COL25A1: variants seen among roughly 807,000 people sequenced by gnomAD.
COL25A1 encodes the protein collagen type XXV alpha 1 chain, also known as collagen alpha-1(XXV) chain.
Under a neutral mutation model 128.4 loss-of-function variants are expected in COL25A1, and 103 were observed. The ratio of observed to expected loss-of-function variants is 0.80; its 90% CI spans 0.68 to 0.94. The LOEUF (loss-of-function observed/expected upper bound fraction) is 0.94, where lower values mean the gene tolerates loss of function less well. Ranked by LOEUF, COL25A1 falls within the 40% of genes least tolerant of loss-of-function variation. The pLI is 0.00. For missense variants in COL25A1, 745 were observed against 840.0 expected (o/e 0.89, Z 1.40); for synonymous variants, 279 against 277.2 (o/e 1.01, Z -0.06).
intron 6 of COL25A1, among the ~76,000 whole-genome samples, chr4:108,983,604 G>A (rs938652728): frequency 2.6e-5 from 4 of 152,202 alleles, no homozygotes; most frequent in African/African-American, 9.6e-5. Flanking sequence ...CCCTCGCAGT[G>A]AGTGTTACAG....
chr4:108,923,244 A>G (rs989608144), intron 11 of COL25A1, among the ~76,000 whole-genome samples: 2 of 152,236 alleles, frequency 1.3e-5, no homozygotes, highest in African/African-American at 4.8e-5. Context: ...CAGTTGGTTA[A>G]GATGATTACA....
chr4:109,020,591 T>C (rs935154629), intron 5 of COL25A1, among the ~76,000 whole-genome samples: 2 of 152,060 alleles, frequency 1.3e-5, no homozygotes, highest in African/African-American at 4.8e-5. Flanking sequence ...AAATATATAA[T>C]TGTACTTAAA....
At chr4:109,019,371 C>CATATATATATATATAT (rs1183525991) in intron 5 of COL25A1, among the ~76,000 whole-genome samples, 19 of 8,932 alleles carry the variant, frequency 2.1e-3, no homozygotes, top group East Asian at 9.1e-3. Flanking sequence ...CACACACACA[C>CATATATATATATATAT]ACACATATAT....
intron 3 of COL25A1, among the ~76,000 whole-genome samples, chr4:109,239,336 A>G (rs1442853328): frequency 6.8e-6 from 1 of 146,718 alleles, no homozygotes; most frequent in Non-Finnish European, 1.5e-5. Context: ...AGTAATATTT[A>G]TATTATTATA....
intron 26 of COL25A1, among the ~76,000 whole-genome samples, chr4:108,852,028 TC>T (rs1735844434): frequency 6.6e-6 from 1 of 152,144 alleles, no homozygotes; most frequent in African/African-American, 2.4e-5. Context: ...AATTTCTCTC[TC>T]TTCTTTTCCT....
intron 14 of COL25A1, 103 bp from the exon 15 acceptor site, chr4:108,899,283 C>G (rs1742541155): frequency 9.5e-7 from 1 of 1,051,860 alleles, no homozygotes; most frequent in Admixed American, 2.3e-5. Flanking sequence ...GTAAATTATG[C>G]ATGACATTTT....
intron 26 of COL25A1, among the ~76,000 whole-genome samples, chr4:108,850,638 C>T (rs190159643): frequency 5.9e-5 from 9 of 152,216 alleles, no homozygotes; most frequent in African/African-American, 1.9e-4. Flanking sequence ...CTTAGAGGGA[C>T]CTTCTATGCA....
chr4:108,870,413 A>G (rs1355237890), intron 19 of COL25A1, among the ~76,000 whole-genome samples: 1 of 151,738 alleles, frequency 6.6e-6, no homozygotes, highest in Non-Finnish European at 1.5e-5. Context: ...AAATGTATTT[A>G]TCTCTAGCCC....
rs533990324 is a variant in COL25A1, at chr4:109,198,963, C to A, written c.367+101620G>T. On this transcript the variant is annotated intron_variant, in intron 3 of 37. Transcript: ENST00000399132. ...AATTGGTTACTGAATCTAAATAAGA[C>A]CCTATTGGGATAGCAGGGAATATTT... Among the ~76,000 whole-genome samples the A allele has an allele frequency of 1.6e-4, 24 of 152,160 alleles. No homozygotes were observed. In the South Asian group the frequency reaches 4.4e-3, roughly 28 times the overall value.
rs1255529031 is a variant in COL25A1 at position 109,058,550 on chromosome 4, A to T, written c.368-8371T>A. On this transcript the variant is annotated intron_variant, in intron 3 of 37. Transcript: ENST00000399132. ...GTTAAACTAACAGAAAAAAAATAAG[A>T]TCAAAAGTTGAATATAGTTTTTCAA... Among the ~76,000 whole-genome samples, 149 of 152,340 alleles carry T rather than the reference A, an allele frequency of 9.8e-4. 1 individual carries two copies. The highest frequency in any genetic ancestry group is 1.5e-4 in the Non-Finnish European group (10 of 68,024).
At chr4:108,974,601 A>C (rs555745780) in intron 6 of COL25A1, 42 bp from the exon 7 acceptor site, 1 of 1,511,058 alleles carries the variant, frequency 6.6e-7, no homozygotes, top group Admixed American at 1.8e-5. Context: ...TTAAAAAAAG[A>C]TATTGTAAAC....
At chr4:109,291,137 A>G (rs1180063630) in intron 3 of COL25A1, among the ~76,000 whole-genome samples, 1 of 152,160 alleles carries the variant, frequency 6.6e-6, no homozygotes, top group African/African-American at 2.4e-5. Context: ...CACTTAGCCA[A>G]ACAACTGTCC....
Position 108,811,203 on chromosome 4 carries a change from G to A in COL25A1, c.*2724C>T, listed in dbSNP as rs1390804702. The A allele has an allele frequency of 6.6e-6, 1 of 151,956 alleles. No individual in the cohort carries two copies. Among genetic ancestry groups the A allele is most frequent in the Non-Finnish European group, 1.5e-5 (1 of 67,906 alleles). 9.4% of individuals were successfully genotyped at this position (151,956 alleles called of 1,614,324 possible). A position where few individuals can be genotyped will look rare whatever the true frequency, so the allele number is the denominator to read the frequency against. On this transcript the variant is annotated 3_prime_UTR_variant, in exon 38 of 38. Coordinates refer to ENST00000399132, the MANE Select transcript of COL25A1 (RefSeq NM_198721.4). The stretch of plus-strand genomic sequence containing the variant: ...AAAATGGATGCTTGAAAACATTGTA[G>A]TAACCAAAAGTTAAAGATTATCCAT...
chr4:109,068,535 G>C (rs1407341713), intron 3 of COL25A1, among the ~76,000 whole-genome samples: 1 of 152,074 alleles, frequency 6.6e-6, no homozygotes, highest in East Asian at 1.9e-4. Context: ...TTTGTCAAAG[G>C]AAGTTTACTT....
chr4:108,978,287 C>T (rs377046266), intron 6 of COL25A1, among the ~76,000 whole-genome samples: 2 of 152,208 alleles, frequency 1.3e-5, no homozygotes, highest in African/African-American at 4.8e-5. Context: ...GCTCCGGCCC[C>T]GACTTGTGCA....
In COL25A1 at chr4:108,933,813, C is replaced by T. The variant is rs905439807; in HGVS notation, c.708+3995G>A. ...ATACACCACTAAGTAGTTCTAAAAC[C>T]GGAACTACTTTTCTCCCTACCAGAT... On this transcript the variant is annotated intron_variant, in intron 11 of 37. Transcript: ENST00000399132. 6.6e-5 allele frequency among the ~76,000 whole-genome samples: 10 copies of T among 151,168 alleles called. No homozygotes were observed. In the East Asian group the frequency reaches 1.2e-3, roughly 18 times the overall value.
chr4:108,944,626 A>G (rs933839731), intron 8 of COL25A1, among the ~76,000 whole-genome samples: 1 of 152,158 alleles, frequency 6.6e-6, no homozygotes, highest in Admixed American at 6.5e-5. Flanking sequence ...GAATGTGTAA[A>G]TAAGTCACTT....
chr4:108,856,412 C>T (rs944354377), intron 24 of COL25A1, among the ~76,000 whole-genome samples: 2 of 151,946 alleles, frequency 1.3e-5, no homozygotes, highest in African/African-American at 2.4e-5. Flanking sequence ...TCTGATTATC[C>T]TAGAGTATTT....
rs992721059 is a variant in COL25A1, at chr4:109,022,800, C to T, written c.421-12425G>A. On this transcript the variant is annotated intron_variant, in intron 5 of 37. Transcript: ENST00000399132. ...CACCAGAGCATACATACATTCACCA[C>T]GAGTCCAATGCCAGGGTCTACGGCA... is the stretch of plus-strand genomic sequence containing the variant. 1.3e-4 allele frequency among the ~76,000 whole-genome samples: 20 copies of T among 152,262 alleles called. No homozygotes were observed. The East Asian group carries it at 3.7e-3, about 28-fold the overall frequency.
Sources: gnomAD v4.1 joint callset for allele counts (sites outside exome capture counted in the v4.1 genomes callset) on GRCh38, gnomAD v4.1.1 for gene constraint, MANE v1.5 for transcripts, NCBI Gene and HGNC (gene_info 2026-07-23, HGNC 2026-07-21) for gene names.